ZNF423: variants seen among roughly 807,000 people sequenced by gnomAD.
The protein encoded by ZNF423 is Ebf-associated zinc finger protein.
In ZNF423, 12 loss-of-function variants were observed where a neutral mutation model predicts 95.8. The observed-to-expected ratio is 0.13, with a 90% confidence interval of 0.08 to 0.20. ZNF423 has a LOEUF of 0.20. Ranked by LOEUF, ZNF423 falls within the 10% of genes least tolerant of loss-of-function variation. The pLI is 1.00. For missense variants in ZNF423, 1,316 were observed against 1,737.1 expected (o/e 0.76, Z 4.31); for synonymous variants, 749 against 711.9 (o/e 1.05, Z -0.83).
At chr16:49,779,403 C>G (rs1327436483) in intron 2 of ZNF423, among the ~76,000 whole-genome samples, 1 of 152,074 alleles carries the variant, frequency 6.6e-6, no homozygotes, top group Admixed American at 6.5e-5. Context: ...AGGGGACACA[C>G]ACAGTCTATG....
intron 3 of ZNF423, among the ~76,000 whole-genome samples, chr16:49,679,546 C>A (rs1038273808): frequency 3.3e-5 from 5 of 152,270 alleles, no homozygotes; most frequent in African/African-American, 1.2e-4. Context: ...CAGGGCAGTG[C>A]TGACATGCCA....
intron 5 of ZNF423, among the ~76,000 whole-genome samples, chr16:49,530,590 T>G (rs374152230): frequency 2.0e-5 from 3 of 152,180 alleles, no homozygotes; most frequent in Admixed American, 6.5e-5. Context: ...TGTAAAGCAC[T>G]TAGCACAGAG....
chr16:49,820,904 T>C (rs1367283167), intron 1 of ZNF423, among the ~76,000 whole-genome samples: 1 of 152,242 alleles, frequency 6.6e-6, no homozygotes, highest in Non-Finnish European at 1.5e-5. Context: ...AAGCTATGGG[T>C]TCCATATGTC....
chr16:49,761,269 T>G (rs1399350754), intron 2 of ZNF423, among the ~76,000 whole-genome samples: 1 of 152,184 alleles, frequency 6.6e-6, no homozygotes, highest in Non-Finnish European at 1.5e-5. Context: ...CTGGGCACCA[T>G]AGCTGCCAAT....
At chr16:49,829,862 C>A (rs2035043956) in intron 1 of ZNF423, among the ~76,000 whole-genome samples, 1 of 152,104 alleles carries the variant, frequency 6.6e-6, no homozygotes, top group African/African-American at 2.4e-5. Flanking sequence ...AGATGGGGGA[C>A]AAGCGGCTCC....
chr16:49,529,966 G>T (rs75696218), intron 5 of ZNF423, among the ~76,000 whole-genome samples: 105 of 152,168 alleles, frequency 6.9e-4, no homozygotes, highest in African/African-American at 2.5e-3. Context: ...TCTAGGAGAA[G>T]ACCAATGACT....
At chr16:49,731,414 C>G in intron 2 of ZNF423, 1 of 981,172 alleles carries the variant, frequency 1.0e-6, no homozygotes, top group Non-Finnish European at 1.2e-6. Context: ...CACAACAGGC[C>G]TCCCAGGGCA....
chr16:49,601,325 T>A (rs1270338975), intron 5 of ZNF423, among the ~76,000 whole-genome samples: 1 of 152,126 alleles, frequency 6.6e-6, no homozygotes, highest in African/African-American at 2.4e-5. Flanking sequence ...AATTTCCCCA[T>A]CTACAAATGG....
chr16:49,759,180 A>C (rs2033780970), intron 2 of ZNF423, among the ~76,000 whole-genome samples: 1 of 152,196 alleles, frequency 6.6e-6, no homozygotes, highest in Non-Finnish European at 1.5e-5. Flanking sequence ...CGGGCAGATC[A>C]CGAGGCCAGG....
intron 3 of ZNF423, among the ~76,000 whole-genome samples, chr16:49,661,654 C>A (rs951460034): frequency 1.3e-5 from 2 of 152,220 alleles, no homozygotes; most frequent in Non-Finnish European, 2.9e-5. Context: ...AATCAGCCAG[C>A]GACTGCACTG....
intron 5 of ZNF423, among the ~76,000 whole-genome samples, chr16:49,594,863 G>A (rs1294830202): frequency 6.6e-6 from 1 of 152,222 alleles, no homozygotes; most frequent in East Asian, 1.9e-4. Context: ...GCTACGACAG[G>A]CACACACAGG....
At chr16:49,670,054 C>A (rs551913014) in intron 3 of ZNF423, among the ~76,000 whole-genome samples, 1 of 151,356 alleles carries the variant, frequency 6.6e-6, no homozygotes, top group East Asian at 2.0e-4. Flanking sequence ...GGCCCCACCA[C>A]GAGAACAGAG....
At position 49,488,830 on chromosome 16, in the gene ZNF423, G is replaced by A. The variant is rs1214781610; in HGVS notation, c.*2445C>T. 1 of 152,462 alleles carries A rather than the reference G, an allele frequency of 6.6e-6. No individual in the cohort carries two copies. The highest frequency in any genetic ancestry group is 2.4e-5 in the African/African-American group (1 of 41,434). The allele number at this position is 152,462 out of a possible 1,614,324, so 9.4% of individuals were successfully genotyped here. A position where few individuals can be genotyped will look rare whatever the true frequency, so the allele number is the denominator to read the frequency against. On this transcript the variant is annotated 3_prime_UTR_variant, in exon 8 of 8. Coordinates refer to ENST00000563137, the MANE Select transcript of ZNF423 (RefSeq NM_001379286.1). Reference sequence around the variant, plus strand: ...AATGCCAGTCCCAGGAAGGGCCTCAGGGTCCCCACTGCCAGCCCCCTCCCC... The same window carrying A: ...AATGCCAGTCCCAGGAAGGGCCTCAAGGTCCCCACTGCCAGCCCCCTCCCC...
chr16:49,785,412 C>T (rs940444048), intron 2 of ZNF423, among the ~76,000 whole-genome samples: 1 of 152,318 alleles, frequency 6.6e-6, no homozygotes, highest in African/African-American at 2.4e-5. Flanking sequence ...TGAAAATGTT[C>T]TAAGTTGACT....
At chr16:49,798,577 C>T (rs947290155) in intron 1 of ZNF423, among the ~76,000 whole-genome samples, 1 of 152,066 alleles carries the variant, frequency 6.6e-6, no homozygotes, top group African/African-American at 2.4e-5. Context: ...ATCTTCTAAC[C>T]AATCTAGTAC....
intron 1 of ZNF423, among the ~76,000 whole-genome samples, chr16:49,813,003 C>A (rs892859039): frequency 6.6e-6 from 1 of 152,092 alleles, no homozygotes; most frequent in Non-Finnish European, 1.5e-5. Context: ...TACTTAAACC[C>A]CCTGCCACAC....
At chr16:49,813,378 C>A (rs1026768466) in intron 1 of ZNF423, among the ~76,000 whole-genome samples, 3 of 152,170 alleles carry the variant, frequency 2.0e-5, no homozygotes, top group African/African-American at 7.2e-5. Context: ...ACATGTTCAT[C>A]CTCCAGGTAT....
intron 2 of ZNF423, among the ~76,000 whole-genome samples, chr16:49,742,093 A>C (rs2033425541): frequency 6.6e-6 from 1 of 152,264 alleles, no homozygotes; most frequent in Admixed American, 6.5e-5. Context: ...AACACATGAA[A>C]GAACCATACA....
intron 5 of ZNF423, among the ~76,000 whole-genome samples, chr16:49,616,788 T>C (rs1227948779): frequency 4.2e-4 from 64 of 152,248 alleles, no homozygotes; most frequent in Non-Finnish European, 2.9e-5. Context: ...CTCAGGAGCA[T>C]CCTCTGAGCT....
Sources: allele counts gnomAD v4.1 joint callset (sites outside exome capture counted in the v4.1 genomes callset), GRCh38; gene constraint gnomAD v4.1.1; transcripts MANE v1.5; gene names NCBI Gene and HGNC (gene_info 2026-07-23, HGNC 2026-07-21).